Variants in ARHGAP25 observed in about 807,000 individuals in gnomAD.
ARHGAP25 encodes Rho GTPase activating protein 25, also known as rho GTPase-activating protein 25.
Under a neutral mutation model 71.0 loss-of-function variants are expected in ARHGAP25, and 34 were observed. The ratio of observed to expected loss-of-function variants is 0.48; its 90% CI spans 0.36 to 0.64. The LOEUF is 0.64. ARHGAP25 is among the 30% of genes least tolerant of loss of function. The pLI is 0.00. For synonymous variants in ARHGAP25, 282 were observed against 296.5 expected, an observed-to-expected ratio of 0.95 and a Z score of 0.50; for missense variants, 706 against 805.1, an observed-to-expected ratio of 0.88 and a Z score of 1.49.
intron 2 of ARHGAP25, among the ~76,000 whole-genome samples, chr2:68,725,295 G>A (rs1674857126): frequency 6.6e-6 from 1 of 152,008 alleles, no homozygotes; most frequent in East Asian, 1.9e-4. Context: ...TCAATGCGAG[G>A]CCACAGCGAT....
chr2:68,770,998 C>A (rs1677450124), intron 1 of ARHGAP25, among the ~76,000 whole-genome samples: 1 of 151,602 alleles, frequency 6.6e-6, no homozygotes, highest in South Asian at 2.1e-4. Flanking sequence ...ATCTGTTGTC[C>A]AGTACTGTAG....
At chr2:68,823,542 A>G (rs1422534506) in intron 10 of ARHGAP25, among the ~76,000 whole-genome samples, 1 of 152,152 alleles carries the variant, frequency 6.6e-6, no homozygotes, top group Non-Finnish European at 1.5e-5. Context: ...GCCAGTGCCG[A>G]GCCATGAGAA....
At chr2:68,807,219 G>C (rs1242674116) in intron 4 of ARHGAP25, 54 bp from the exon 5 acceptor site, 5 of 1,584,644 alleles carry the variant, frequency 3.2e-6, no homozygotes, top group Non-Finnish European at 3.5e-6. Context: ...TCAAGAAATA[G>C]TTCATCCAAG....
chr2:68,814,531 C>T (rs1681063501), intron 6 of ARHGAP25, among the ~76,000 whole-genome samples: 1 of 152,134 alleles, frequency 6.6e-6, no homozygotes, highest in South Asian at 2.1e-4. Flanking sequence ...TTTGAGGACC[C>T]AGGGATATGA....
chr2:68,735,041 G>T lies in ARHGAP25; in HGVS notation c.-159G>T. 1 of 685,466 alleles carries T rather than the reference G, an allele frequency of 1.5e-6. No individual in the cohort carries two copies. The allele number at this position is 685,466 out of a possible 1,614,324, so 42.5% of individuals were successfully genotyped here. On this transcript the variant is annotated 5_prime_UTR_variant, in exon 1 of 11. Coordinates refer to ENST00000409202, the MANE Select transcript of ARHGAP25 (RefSeq NM_001007231.3). The stretch of plus-strand genomic sequence containing the variant: ...TCATCTAAGAGAAAGGAGGAGACAC[G>T]TTGGCAAATCAGCCTCAAGCCTAAG...
chr2:68,736,041 T>G (rs533750677), intron 1 of ARHGAP25, among the ~76,000 whole-genome samples: 22 of 152,328 alleles, frequency 1.4e-4, no homozygotes, highest in Admixed American at 5.9e-4. Flanking sequence ...TGAAAACTAT[T>G]GCCTACATTT....
At chr2:68,789,135 C>G (rs1678982783) in intron 4 of ARHGAP25, among the ~76,000 whole-genome samples, 1 of 152,084 alleles carries the variant, frequency 6.6e-6, no homozygotes, top group Admixed American at 6.6e-5. Flanking sequence ...CAGGTTCACA[C>G]CATTCTCCTG....
rs761814637 is a variant in ARHGAP25 at position 68,807,323 on chromosome 2, G to A, written c.517G>A (p.Gly173Ser). The A allele has an allele frequency of 1.4e-5, 23 of 1,614,064 alleles. No homozygotes were observed. Among genetic ancestry groups the A allele is most frequent in the Admixed American group, 5.0e-5 (3 of 60,008 alleles). Residue 173 changes from glycine to serine, a missense_variant, in exon 5 of 11, where the codon GGC becomes AGC. Coordinates refer to ENST00000409202, the MANE Select transcript of ARHGAP25 (RefSeq NM_001007231.3). ...GACTGTGGCCTATGAACAGAAATTC[G>A]GCCCCCATCTGGTGCCCATCCTGGT... Reference protein sequence around the residue: ...DETVAYEQKFGPHLVPILVEK... With the variant: ...DETVAYEQKFSPHLVPILVEK...
intron 1 of ARHGAP25, among the ~76,000 whole-genome samples, chr2:68,749,833 A>G (rs539455321): frequency 6.6e-6 from 1 of 152,354 alleles, no homozygotes. Flanking sequence ...CTGTGCCATA[A>G]GTGTTGCTAA....
At position 68,770,719 on chromosome 2, in the gene ARHGAP25, A is replaced by G. The variant is rs562492391; in HGVS notation, c.62-4502A>G. Among the ~76,000 whole-genome samples, 3 of 152,282 alleles carry G rather than the reference A, an allele frequency of 2.0e-5. No homozygotes were observed. The South Asian group carries it at 6.2e-4, about 32-fold the overall frequency. Reference sequence around the variant, plus strand: ...ACCTGCAGACTAAAATTCAGCACCAACAGTCCAGTCATACAACTATATTTT... The same window carrying G: ...ACCTGCAGACTAAAATTCAGCACCAGCAGTCCAGTCATACAACTATATTTT... On this transcript the variant is annotated intron_variant, in intron 1 of 10. Transcript: ENST00000409202.
chr2:68,725,636 A>G (rs1361283638), intron 2 of ARHGAP25, among the ~76,000 whole-genome samples: 1 of 152,114 alleles, frequency 6.6e-6, no homozygotes, highest in African/African-American at 2.4e-5. Flanking sequence ...CTGATTATTT[A>G]AAAGTATACA....
At chr2:68,780,675 G>A (rs1237124320) in intron 2 of ARHGAP25, among the ~76,000 whole-genome samples, 1 of 147,846 alleles carries the variant, frequency 6.8e-6, no homozygotes, top group Non-Finnish European at 1.5e-5. Flanking sequence ...TCCTTCTCCT[G>A]CCCTTTCTGT....
chr2:68,733,157 G>T (rs909084277), upstream of ARHGAP25, among the ~76,000 whole-genome samples: 5 of 152,314 alleles, frequency 3.3e-5, no homozygotes, highest in African/African-American at 9.6e-5. Flanking sequence ...AAGCCAGAAA[G>T]GCAGGCAGAC....
intron 3 of ARHGAP25, among the ~76,000 whole-genome samples, chr2:68,783,355 A>G: frequency 6.6e-6 from 1 of 152,362 alleles, no homozygotes; most frequent in Non-Finnish European, 1.5e-5. Context: ...GATAATTATA[A>G]TGCAGAAAAA....
Position 68,819,180 on chromosome 2 carries a change from T to C in ARHGAP25, c.1061T>C (p.Phe354Ser). 1 of 1,605,088 alleles carries C rather than the reference T, an allele frequency of 6.2e-7. No homozygotes were observed. The highest frequency in any genetic ancestry group is 8.5e-7 in the Non-Finnish European group (1 of 1,175,458). Residue 354 changes from phenylalanine to serine, a missense_variant, in exon 9 of 11, where the codon TTC becomes TCC. Phe to Ser is a radical substitution (Grantham distance 155). Coordinates refer to ENST00000409202, the MANE Select transcript of ARHGAP25 (RefSeq NM_001007231.3). ...TMMIRDHEVL[F>S]PKSKDIPLSP... ...ATGATCAGAGACCATGAAGTCCTCT[T>C]CCCCAAGTCCAAGGATATACCCCTG...
At chr2:68,790,062 C>T (rs1338181447) in intron 4 of ARHGAP25, among the ~76,000 whole-genome samples, 2 of 152,174 alleles carry the variant, frequency 1.3e-5, no homozygotes, top group Non-Finnish European at 2.9e-5. Flanking sequence ...GATCTCGGCT[C>T]ACTGCAACCT....
chr2:68,812,642 G>T lies in ARHGAP25; in HGVS notation c.675-645G>T, dbSNP rs113580462. On this transcript the variant is annotated intron_variant, in intron 5 of 10. Coordinates refer to ENST00000409202, the MANE Select transcript of ARHGAP25 (RefSeq NM_001007231.3). ...GGCTTCCCATATCATGGCATTAGCCGCACAGTATTGTAAGGACATTTTAAT... is the reference window on the plus strand; with the variant it reads ...GGCTTCCCATATCATGGCATTAGCCTCACAGTATTGTAAGGACATTTTAAT... Among the ~76,000 whole-genome samples, 1,137 of 152,228 alleles carry T rather than the reference G, an allele frequency of 7.5e-3. 13 individuals are homozygous for T. The highest frequency in any genetic ancestry group is 0.026 in the African/African-American group (1,059 of 41,518).
chr2:68,818,547 C>T (rs951154817), intron 8 of ARHGAP25, among the ~76,000 whole-genome samples: 18 of 152,194 alleles, frequency 1.2e-4, no homozygotes, highest in Admixed American at 5.2e-4. Context: ...AGGCTGGTCT[C>T]GAACTCCTGA....
At chr2:68,810,675 ATTG>A (rs913178256) in intron 5 of ARHGAP25, among the ~76,000 whole-genome samples, 8 of 141,630 alleles carry the variant, frequency 5.6e-5, no homozygotes, top group African/African-American at 2.1e-4. Flanking sequence ...TGTCTTTTTT[ATTG>A]TTGTTGTTTC....
Sources: gnomAD v4.1 joint callset for allele counts (sites outside exome capture counted in the v4.1 genomes callset) on GRCh38, gnomAD v4.1.1 for gene constraint, MANE v1.5 for transcripts, NCBI Gene and HGNC (gene_info 2026-07-23, HGNC 2026-07-21) for gene names.